The following PER1 variants were observed in gnomAD, a reference collection of about 807,000 sequenced individuals.
The protein encoded by PER1 is period circadian protein homolog 1.
A neutral mutation model predicts 125.9 loss-of-function variants in PER1; 87 were observed. That is an observed-to-expected ratio of 0.69 (90% CI 0.58 to 0.83). The LOEUF (loss-of-function observed/expected upper bound fraction) is 0.83. Among genes scored for constraint, PER1 ranks in the 40% least tolerant of loss-of-function variants. PER1 has a pLI of 0.00. For synonymous variants in PER1, 801 were observed against 714.7 expected (o/e 1.12, Z -1.93); for missense variants, 1,775 against 1,722.8 (o/e 1.03, Z -0.54).
chr17:8,142,615 C>T, intron 20 of PER1, 34 bp downstream of exon 20: 3 of 1,608,880 alleles, frequency 1.9e-6, no homozygotes, highest in Non-Finnish European at 1.7e-6. Flanking sequence ...AATCACTGCC[C>T]TACCCTGGGA....
intron 18 of PER1, 172 bp downstream of exon 18, chr17:8,144,579 C>T: frequency 1.2e-6 from 1 of 846,178 alleles, no homozygotes. Context: ...GCCCGGAACC[C>T]CATCCTAGTG....
At chr17:8,147,875 G>A (rs368746993) in intron 10 of PER1, 48 bp from the exon 11 acceptor site, 117 of 1,607,560 alleles carry the variant, frequency 7.3e-5, no homozygotes, top group Non-Finnish European at 9.4e-5. Flanking sequence ...GGAGAGCTGA[G>A]TAAGAGGGAG....
chr17:8,142,603 C>G lies in PER1; in HGVS notation c.3259+46G>C, dbSNP rs935446951. On this transcript the variant is annotated intron_variant, in intron 20 of 22. Coordinates refer to ENST00000317276, the MANE Select transcript of PER1 (RefSeq NM_002616.3). Reference sequence around the variant, plus strand: ...AGACGGGGCCTGGGCTCCCGGCTCCCCAATCACTGCCCTACCCTGGGAGAT... The same window carrying G: ...AGACGGGGCCTGGGCTCCCGGCTCCGCAATCACTGCCCTACCCTGGGAGAT... The G allele has an allele frequency of 3.8e-6, 6 of 1,599,542 alleles. No individual in the cohort carries two copies. In the African/African-American group the frequency reaches 6.7e-5, roughly 18 times the overall value.
At position 8,146,923 on chromosome 17, in the gene PER1, C is replaced by T. The variant is rs755998126; in HGVS notation, c.1709G>A (p.Arg570Gln). ...GQQLFIESRA[R>Q]PQSRPRLPAT... is the part of the protein sequence containing the mutation. The stretch of plus-strand genomic sequence containing the variant: ...AGGGAGGCGGGGCCGGGACTGAGGC[C>T]GGGCCCGAGACTCAATAAAAAGCTG... Residue 570 changes from arginine to glutamine, a missense_variant, in exon 14 of 23, where the codon CGG becomes CAG. Transcript: ENST00000317276. The T allele has an allele frequency of 2.6e-5, 42 of 1,613,842 alleles. No homozygotes were observed. Among genetic ancestry groups the T allele is most frequent in the Middle Eastern group, 1.6e-4 (1 of 6,084 alleles).
At position 8,143,606 on chromosome 17, in the gene PER1, G is replaced by A; in HGVS notation, c.2732C>T (p.Pro911Leu). Residue 911 changes from proline to leucine, a missense_variant, in exon 19 of 23, where the codon CCC becomes CTC. Coordinates refer to ENST00000317276, the MANE Select transcript of PER1 (RefSeq NM_002616.3). The stretch of plus-strand genomic sequence containing the variant: ...CACCATTGGGGTCACCAAAGGGGCG[G>A]GGAAAGCAGCTGGGGGCACAGATGT... ...APTSVPPAAFPAPLVTPMVAL... is the reference protein window; with the variant it reads ...APTSVPPAAFLAPLVTPMVAL... 3 of 1,458,090 alleles carry A rather than the reference G, an allele frequency of 2.1e-6. No homozygotes were observed. The highest frequency in any genetic ancestry group is 2.7e-6 in the Non-Finnish European group (3 of 1,100,074). The allele number at this position is 1,458,090 out of a possible 1,614,324, so 90.3% of individuals were successfully genotyped here. A position where few individuals can be genotyped will look rare whatever the true frequency, so the allele number is the denominator to read the frequency against.
intron 7 of PER1, 36 bp downstream of exon 7, chr17:8,149,223 A>G (rs77905276): frequency 6.4e-7 from 1 of 1,574,660 alleles, no homozygotes; most frequent in Non-Finnish European, 8.7e-7. Flanking sequence ...CAAAAAAAAA[A>G]GGAGGCAGAG....
chr17:8,148,944 T>C, intron 7 of PER1, 158 bp from the exon 8 acceptor site: 1 of 827,938 alleles, frequency 1.2e-6, no homozygotes. Flanking sequence ...ATCCCAGCAC[T>C]TTGGGAGGCC....
intron 18 of PER1, 49 bp downstream of exon 18, chr17:8,144,702 A>C: frequency 2.6e-6 from 4 of 1,539,682 alleles, no homozygotes; most frequent in Non-Finnish European, 2.6e-6. Flanking sequence ...CCAACAATCC[A>C]GTCCTAGACT....
chr17:8,141,866 T>A lies in PER1; in HGVS notation c.3539A>T (p.Glu1180Val), dbSNP rs1374186048. The change falls in exon 22 of 23, where the codon GAA becomes GTA. Residue 1180 changes from glutamate (E) to valine (V), a missense_variant. Coordinates refer to ENST00000317276, the MANE Select transcript of PER1 (RefSeq NM_002616.3). ...QPRFSEDQRR[E>V]LGAVHSWVRK... ...GACCCAGGAGTGCACAGCACCCAGT[T>A]CCCGCCGCTGGTCCTCAGAAAACCG... is the stretch of plus-strand genomic sequence containing the variant. 2.5e-6 allele frequency: 4 copies of A among 1,613,902 alleles called. No homozygotes were observed. Among genetic ancestry groups the A allele is most frequent in the Non-Finnish European group, 3.4e-6 (4 of 1,180,008 alleles).
Position 8,142,471 on chromosome 17 carries a change from G to C in PER1, c.3260-13C>G. 2 of 1,566,034 alleles carry C rather than the reference G, an allele frequency of 1.3e-6. No homozygotes were observed. Among genetic ancestry groups the C allele is most frequent in the East Asian group, 4.5e-5 (2 of 44,396 alleles). On this transcript the variant is annotated splice_polypyrimidine_tract_variant and intron_variant, in intron 20 of 22. Coordinates refer to ENST00000317276, the MANE Select transcript of PER1 (RefSeq NM_002616.3). Reference sequence around the variant, plus strand: ...CTCTGGCTGCTGCCTGTGAAGTGGGGGGCAGACCAATGGGAGTCAGGCCGG... The same window carrying C: ...CTCTGGCTGCTGCCTGTGAAGTGGGCGGCAGACCAATGGGAGTCAGGCCGG...
At chr17:8,141,695 AACTTGAGCTCAATTCTTTTTTCTCC>A in intron 22 of PER1, 85 bp downstream of exon 22, 1 of 1,022,758 alleles carries the variant, frequency 9.8e-7, no homozygotes, top group South Asian at 2.8e-5. Context: ...CGATCCCTTG[AACTTGAGCTCAATTCTTTTTTCTCC>A]CCCTTGAACT....
intron 19 of PER1, 80 bp from the exon 20 acceptor site, chr17:8,142,915 G>A: frequency 9.0e-7 from 1 of 1,113,702 alleles, no homozygotes; most frequent in Non-Finnish European, 1.3e-6. Flanking sequence ...CTGGTTGTGG[G>A]GAGAGGCACA....
At chr17:8,147,114 G>T in intron 13 of PER1, 112 bp from the exon 14 acceptor site, 1 of 1,401,732 alleles carries the variant, frequency 7.1e-7, no homozygotes, top group East Asian at 2.4e-5. Context: ...CGCCTTGATG[G>T]GAGCAGGACA....
Position 8,147,338 on chromosome 17 carries a change from G to C in PER1, c.1541C>G (p.Ala514Gly). 1.9e-6 allele frequency: 3 copies of C among 1,613,686 alleles called. No homozygotes were observed. In the South Asian group the frequency reaches 3.3e-5, roughly 18 times the overall value. ...PSPTGLCGVG[A>G]VTSPGPLHSP... ...GTGGAGAGGGCCTGGGGATGTCACGGCGCCGACTCCACAGAGTCCCGTGGG... is the reference window on the plus strand; with the variant it reads ...GTGGAGAGGGCCTGGGGATGTCACGCCGCCGACTCCACAGAGTCCCGTGGG... The change falls in exon 13 of 23, where the codon GCC becomes GGC. Residue 514 changes from alanine to glycine, a missense_variant. Transcript: ENST00000317276.
At position 8,149,818 on chromosome 17, in the gene PER1, G is replaced by T; in HGVS notation, c.588C>A (p.Asp196Glu). 1 of 1,613,926 alleles carries T rather than the reference G, an allele frequency of 6.2e-7. No homozygotes were observed. The highest frequency in any genetic ancestry group is 8.5e-7 in the Non-Finnish European group (1 of 1,180,028). ...SLEEGEPCSM[D>E]MSTYTLEELE... is the part of the protein sequence containing the mutation. ...GCTCCTCCAGGGTATAGGTGGACAT[G>T]TCCATGGAGCAAGGCTCGCCCTCCT... The change falls in exon 5 of 23, where the codon GAC becomes GAA. Residue 196 changes from aspartate (D) to glutamate (E), a missense_variant. By Grantham distance (45) the Asp-to-Glu change is conservative. Coordinates refer to ENST00000317276, the MANE Select transcript of PER1 (RefSeq NM_002616.3).
At chr17:8,148,586 C>A in intron 8 of PER1, 58 bp downstream of exon 8, 1 of 1,534,498 alleles carries the variant, frequency 6.5e-7, no homozygotes. Context: ...TCATGTCTGG[C>A]CATGAGGAAA....
chr17:8,141,082 T>C lies in PER1; in HGVS notation c.3859A>G (p.Asn1287Asp), dbSNP rs1245591145. 1.2e-6 allele frequency: 2 copies of C among 1,613,164 alleles called. No homozygotes were observed. The highest frequency in any genetic ancestry group is 2.2e-5 in the South Asian group (2 of 91,018). Residue 1287 changes from asparagine to aspartate, a missense_variant, in exon 23 of 23, where the codon AAC (asparagine) becomes GAC (aspartate). Coordinates refer to ENST00000317276, the MANE Select transcript of PER1 (RefSeq NM_002616.3). ...CAGAATGGAGTCTAGCTGGTGCAGT[T>C]TCCTGCTGTAGGTAAGGCTGGACTG... is the stretch of plus-strand genomic sequence containing the variant. Reference protein sequence around the residue: ...SSSPALPTAGNCTS With the variant: ...SSSPALPTAGDCTS
intron 20 of PER1, 76 bp downstream of exon 20, chr17:8,142,573 C>A: frequency 6.3e-7 from 1 of 1,575,882 alleles, no homozygotes; most frequent in East Asian, 2.3e-5. Flanking sequence ...TAGGAAGCTC[C>A]GCCAAGACGG....
chr17:8,145,092 C>T lies in PER1; in HGVS notation c.2219-99G>A, dbSNP rs765598326. The T allele has an allele frequency of 1.4e-5, 18 of 1,265,760 alleles. No homozygotes were observed. In the African/African-American group the frequency reaches 2.4e-4, roughly 17 times the overall value. 78.4% of individuals were successfully genotyped at this position (1,265,760 alleles called of 1,614,324 possible). On this transcript the variant is annotated intron_variant, in intron 17 of 22. Transcript: ENST00000317276. ...GTCTGATAGCCTAGCCAACCCCTGG[C>T]AGCTCTGCCCCACAGCCAAGCCTGG...
Sources: allele counts gnomAD v4.1 joint callset, GRCh38; gene constraint gnomAD v4.1.1; transcripts MANE v1.5; gene names NCBI Gene and HGNC (gene_info 2026-07-23, HGNC 2026-07-21).